The following PPP2R2B variants were observed in gnomAD, a reference collection of about 807,000 sequenced individuals.
The protein encoded by PPP2R2B is serine/threonine-protein phosphatase 2A 55 kDa regulatory subunit B beta isoform.
A neutral mutation model predicts 46.0 loss-of-function variants in PPP2R2B; 5 were observed. The observed-to-expected ratio is 0.11, with a 90% CI of 0.06 to 0.23. The LOEUF (loss-of-function observed/expected upper bound fraction) is 0.23, where lower values mean the gene tolerates loss of function less well. PPP2R2B is among the 10% of genes least tolerant of loss of function. The pLI is 1.00. For synonymous variants in PPP2R2B, 215 were observed against 206.7 expected, an observed-to-expected ratio of 1.04 and a Z score of -0.34; for missense variants, 367 against 575.0, an observed-to-expected ratio of 0.64 and a Z score of 3.70.
intron 2 of PPP2R2B, among the ~76,000 whole-genome samples, chr5:146,824,867 AC>A (rs1327601127): frequency 6.6e-6 from 1 of 151,176 alleles, no homozygotes; most frequent in African/African-American, 2.4e-5. Flanking sequence ...ACAGGTGCCC[AC>A]CACCACACCT....
chr5:146,933,195 T>C (rs1238196536), intron 1 of PPP2R2B, among the ~76,000 whole-genome samples: 2 of 152,198 alleles, frequency 1.3e-5, no homozygotes, highest in Non-Finnish European at 2.9e-5. Context: ...TAATCCCATG[T>C]GTTTCCAACC....
chr5:146,616,507 A>G (rs1266902816), intron 7 of PPP2R2B, among the ~76,000 whole-genome samples: 1 of 152,222 alleles, frequency 6.6e-6, no homozygotes, highest in Non-Finnish European at 1.5e-5. Context: ...AGAATATAGA[A>G]GGAGCTCAAA....
At chr5:146,650,404 A>G in intron 6 of PPP2R2B, 143 bp downstream of exon 6, 2 of 694,258 alleles carry the variant, frequency 2.9e-6, no homozygotes, top group Non-Finnish European at 4.7e-6. Context: ...AAAGAGTCTC[A>G]TAGGTGCCAG....
intron 1 of PPP2R2B, among the ~76,000 whole-genome samples, chr5:146,906,385 C>T (rs1835948): frequency 0.49 from 74,033 of 151,918 alleles, 19,836 homozygotes; most frequent in East Asian, 0.7. Context: ...TGCAATGGCG[C>T]GATCTCGGCT....
chr5:146,594,009 A>G (rs1194664303), intron 8 of PPP2R2B, among the ~76,000 whole-genome samples: 1 of 151,952 alleles, frequency 6.6e-6, no homozygotes, highest in Non-Finnish European at 1.5e-5. Context: ...AGCAGATAGG[A>G]CTTGGGTCAA....
At chr5:146,605,561 A>C (rs1288090967) in intron 7 of PPP2R2B, among the ~76,000 whole-genome samples, 1 of 152,224 alleles carries the variant, frequency 6.6e-6, no homozygotes, top group Non-Finnish European at 1.5e-5. Flanking sequence ...TTGGGGCATT[A>C]TAGAATGTTC....
chr5:147,069,746 C>A (rs1245125132), intron 2 of PPP2R2B, among the ~76,000 whole-genome samples: 1 of 145,828 alleles, frequency 6.9e-6, no homozygotes, highest in Non-Finnish European at 1.5e-5. Context: ...ATTCCCCATT[C>A]CCTCATTTAG....
intron 1 of PPP2R2B, among the ~76,000 whole-genome samples, chr5:146,932,071 T>C (rs535655616): frequency 6.6e-6 from 1 of 152,302 alleles, no homozygotes; most frequent in Admixed American, 6.5e-5. Context: ...CCTTAGTATG[T>C]TTGAACTGAA....
At chr5:146,727,220 C>A (rs1751929772) in intron 2 of PPP2R2B, among the ~76,000 whole-genome samples, 1 of 149,088 alleles carries the variant, frequency 6.7e-6, no homozygotes, top group South Asian at 2.1e-4. Flanking sequence ...TGGATTCCTA[C>A]AGCTATGTTA....
chr5:146,840,194 C>T (rs319154), intron 2 of PPP2R2B, among the ~76,000 whole-genome samples: 99,645 of 151,804 alleles, frequency 0.66, 33,751 homozygotes, highest in Non-Finnish European at 0.76. Context: ...CAAATGCAGG[C>T]TTGTCAATTG....
At chr5:147,057,215 G>A (rs931368486), upstream of PPP2R2B, among the ~76,000 whole-genome samples, 2 of 152,146 alleles carry the variant, frequency 1.3e-5, no homozygotes, top group Non-Finnish European at 2.9e-5. Flanking sequence ...GGACTACTAT[G>A]GCATGGTGAC....
rs10636778 is a variant in PPP2R2B, at chr5:147,027,634, CA to C, written c.79+28030del. Among the ~76,000 whole-genome samples, 284 of 125,236 alleles carry C rather than the reference CA, an allele frequency of 2.3e-3. 2 individuals are homozygous for C. The highest frequency in any genetic ancestry group is 4.3e-3 in the Middle Eastern group (1 of 234). The allele number at this position is 125,236 out of a possible 152,430, so 82.2% of individuals were successfully genotyped here. ...CTGGCAACAAAGCGAGACTCGGTCT[CA>C]AAAAAAAAAAAAAAAATTTAGTGTG... is the stretch of plus-strand genomic sequence containing the variant. On this transcript the variant is annotated intron_variant, in intron 1 of 8. Transcript: ENST00000336640.
At chr5:146,690,900 C>G (rs746989151) in intron 5 of PPP2R2B, among the ~76,000 whole-genome samples, 1 of 152,212 alleles carries the variant, frequency 6.6e-6, no homozygotes, top group Admixed American at 6.5e-5. Flanking sequence ...GCCATGTGGG[C>G]AAGTCTTCTG....
intron 1 of PPP2R2B, among the ~76,000 whole-genome samples, chr5:146,971,716 A>G (rs1752668702): frequency 6.6e-6 from 1 of 152,220 alleles, no homozygotes; most frequent in Non-Finnish European, 1.5e-5. Flanking sequence ...TGTATGAAAT[A>G]CTGTTTTCCT....
At chr5:146,631,139 C>T (rs542576902) in intron 7 of PPP2R2B, among the ~76,000 whole-genome samples, 53 of 152,320 alleles carry the variant, frequency 3.5e-4, no homozygotes, top group African/African-American at 1.1e-3. Flanking sequence ...ACCGCCTTGC[C>T]TCATCCCAGT....
chr5:146,785,963 T>C (rs1233663637), intron 2 of PPP2R2B, among the ~76,000 whole-genome samples: 1 of 152,082 alleles, frequency 6.6e-6, no homozygotes, highest in East Asian at 1.9e-4. Context: ...TAGTGTTCGA[T>C]AGCACAGTAG....
At chr5:146,823,477 G>T (rs768047248) in intron 2 of PPP2R2B, among the ~76,000 whole-genome samples, 2 of 151,964 alleles carry the variant, frequency 1.3e-5, no homozygotes, top group Non-Finnish European at 2.9e-5. Context: ...GATTACAGGC[G>T]TGAGCCACTG....
intron 7 of PPP2R2B, among the ~76,000 whole-genome samples, chr5:146,619,493 T>C (rs1773496964): frequency 6.6e-6 from 1 of 151,850 alleles, no homozygotes; most frequent in Non-Finnish European, 1.5e-5. Flanking sequence ...AACAAAACCA[T>C]AAAGGGGCAA....
intron 1 of PPP2R2B, among the ~76,000 whole-genome samples, chr5:146,991,207 A>T (rs1041065007): frequency 1.3e-5 from 2 of 152,196 alleles, no homozygotes; most frequent in African/African-American, 4.8e-5. Context: ...ATGATCCAGG[A>T]ATGCTATTAC....
Sources: allele counts gnomAD v4.1 joint callset (sites outside exome capture counted in the v4.1 genomes callset), GRCh38; gene constraint gnomAD v4.1.1; transcripts MANE v1.5; gene names NCBI Gene and HGNC (gene_info 2026-07-23, HGNC 2026-07-21).